The following ACSM1 variants were observed in gnomAD, a reference collection of about 807,000 sequenced individuals.
The protein encoded by ACSM1 is acyl-coenzyme A synthetase ACSM1, mitochondrial.
Under a neutral mutation model 75.8 loss-of-function variants are expected in ACSM1, and 79 were observed. The observed-to-expected ratio is 1.04, with a 90% CI of 0.87 to 1.26. The LOEUF (loss-of-function observed/expected upper bound fraction) is 1.26. Ranked by LOEUF, ACSM1 falls within the 50% of genes most tolerant of loss-of-function variation. The pLI, the probability that ACSM1 is intolerant of heterozygous loss-of-function variation, is 0.00. For missense variants in ACSM1, 676 were observed against 720.1 expected (o/e 0.94, Z 0.70); for synonymous variants, 279 against 265.8 (o/e 1.05, Z -0.48).
At chr16:20,657,890 G>A (rs2152250554) in intron 7 of ACSM1, among the ~76,000 whole-genome samples, 1 of 152,166 alleles carries the variant, frequency 6.6e-6, no homozygotes, top group African/African-American at 2.4e-5. Flanking sequence ...AGTTTGCTGA[G>A]AATGATGGTT....
At chr16:20,668,918 G>A (rs2019722215) in intron 6 of ACSM1, among the ~76,000 whole-genome samples, 1 of 152,130 alleles carries the variant, frequency 6.6e-6, no homozygotes, top group African/African-American at 2.4e-5. Context: ...AAAAGTGAGA[G>A]ACTGAAAATA....
chr16:20,664,919 A>G lies in ACSM1; in HGVS notation c.913-3046T>C, dbSNP rs532437025. On this transcript the variant is annotated intron_variant, in intron 6 of 13. Transcript: ENST00000520010. Reference sequence around the variant, plus strand: ...CTGAATAACTCTTGGGTGAACAAGAAGTCAAAAAAGTTTCTGAAATTAATG... The same window carrying G: ...CTGAATAACTCTTGGGTGAACAAGAGGTCAAAAAAGTTTCTGAAATTAATG... Among the ~76,000 whole-genome samples, 17 of 152,296 alleles carry G rather than the reference A, an allele frequency of 1.1e-4. No individual in the cohort carries two copies. In the South Asian group the frequency reaches 3.5e-3, roughly 32 times the overall value.
intron 1 of ACSM1, among the ~76,000 whole-genome samples, chr16:20,694,831 A>C (rs1266266849): frequency 1.3e-5 from 2 of 152,204 alleles, no homozygotes; most frequent in African/African-American, 4.8e-5. Context: ...GGTGGGCCCT[A>C]ATCCAATATG....
intron 7 of ACSM1, among the ~76,000 whole-genome samples, chr16:20,641,548 A>G (rs916668976): frequency 2.6e-5 from 4 of 152,222 alleles, no homozygotes; most frequent in African/African-American, 9.6e-5. Flanking sequence ...ACAGGTGTTC[A>G]TCATGCACCT....
intron 3 of ACSM1, 112 bp from the exon 4 acceptor site, chr16:20,682,575 C>A: frequency 1.3e-6 from 1 of 762,776 alleles, no homozygotes; most frequent in South Asian, 1.7e-5. Flanking sequence ...AAAGTACAGG[C>A]CACAGAACAA....
intron 7 of ACSM1, among the ~76,000 whole-genome samples, chr16:20,655,260 A>AG (rs1360310590): frequency 6.4e-5 from 5 of 78,110 alleles, no homozygotes; most frequent in Non-Finnish European, 9.5e-5. Context: ...GGGTGGGGGG[A>AG]GGGGGGAGGG....
intron 10 of ACSM1, among the ~76,000 whole-genome samples, chr16:20,628,223 G>A (rs999560513): frequency 2.0e-5 from 3 of 152,018 alleles, no homozygotes; most frequent in African/African-American, 7.3e-5. Flanking sequence ...GTACCATCTT[G>A]CAAAACCATA....
chr16:20,642,884 C>T (rs2018145081), intron 7 of ACSM1, among the ~76,000 whole-genome samples: 1 of 152,112 alleles, frequency 6.6e-6, no homozygotes, highest in African/African-American at 2.4e-5. Context: ...AGCAGTGTGC[C>T]CTATTCCTTT....
Position 20,627,856 on chromosome 16 carries a change from CTCTG to C in ACSM1, c.1300-544_1300-541del, listed in dbSNP as rs1309134643. 8.5e-5 allele frequency among the ~76,000 whole-genome samples: 7 copies of C among 82,414 alleles called. No individual in the cohort carries two copies. The East Asian group carries it at 1.8e-3, about 21-fold the overall frequency. The allele number at this position is 82,414 out of a possible 152,430, so 54.1% of individuals were successfully genotyped here. A position where few individuals can be genotyped will look rare whatever the true frequency, so the allele number is the denominator to read the frequency against. On this transcript the variant is annotated intron_variant, in intron 10 of 13. Transcript: ENST00000520010. Reference sequence around the variant, plus strand: ...TCTCTCTCTCTCTCTCTCTCTCTCTCTCTGTATGTATACATATATATATATATAT... The same window carrying C: ...TCTCTCTCTCTCTCTCTCTCTCTCTCTATGTATACATATATATATATATAT...
At chr16:20,641,287 T>A (rs971937019) in intron 7 of ACSM1, among the ~76,000 whole-genome samples, 1 of 152,192 alleles carries the variant, frequency 6.6e-6, no homozygotes, top group Non-Finnish European at 1.5e-5. Flanking sequence ...TGCAAAGCCA[T>A]CTTTTATGGG....
Position 20,685,387 on chromosome 16 carries a change from G to T in ACSM1, c.209C>A (p.Pro70Gln). The change falls in exon 3 of 14, where the codon CCA becomes CAA. Residue 70 changes from proline (P) to glutamine (Q), a missense_variant. Physicochemically the swap from Pro to Gln is moderately conservative, Grantham distance 76. Coordinates refer to ENST00000520010, the MANE Select transcript of ACSM1 (RefSeq NM_001318890.3). ...AQKEKEGKRGPNPAFWWVNGQ... is the reference protein window; with the variant it reads ...AQKEKEGKRGQNPAFWWVNGQ... ...ATTCACCCACCAAAAAGCTGGATTT[G>T]GACCTCTCTTGCCCTCCTGGTCAAG... is the stretch of plus-strand genomic sequence containing the variant. 4 of 1,614,132 alleles carry T rather than the reference G, an allele frequency of 2.5e-6. No homozygotes were observed. Among genetic ancestry groups the T allele is most frequent in the Non-Finnish European group, 3.4e-6 (4 of 1,180,022 alleles).
intron 4 of ACSM1, chr16:20,681,862 G>A (rs2079452986): frequency 6.3e-6 from 1 of 158,936 alleles, no homozygotes; most frequent in South Asian, 1.8e-4. Context: ...TGTAGCTAGT[G>A]AGCCTTATCT....
chr16:20,694,505 A>G (rs950151344), intron 1 of ACSM1, among the ~76,000 whole-genome samples: 2 of 152,228 alleles, frequency 1.3e-5, no homozygotes, highest in African/African-American at 2.4e-5. Context: ...TTCCACAGGC[A>G]TGAGCTTAGT....
intron 2 of ACSM1, among the ~76,000 whole-genome samples, chr16:20,690,673 A>T (rs1339850645): frequency 6.6e-6 from 1 of 152,228 alleles, no homozygotes; most frequent in Non-Finnish European, 1.5e-5. Context: ...GAGAACTCAG[A>T]CTAATACGAA....
intron 4 of ACSM1, among the ~76,000 whole-genome samples, chr16:20,677,254 G>T (rs2020344750): frequency 6.6e-6 from 1 of 151,046 alleles, no homozygotes; most frequent in Non-Finnish European, 1.5e-5. Flanking sequence ...CTTGACTCAG[G>T]CCCCAGCTTT....
rs1477172619 is a variant in ACSM1, at chr16:20,626,444, G to A, written c.1427+745C>T. 7.2e-5 allele frequency among the ~76,000 whole-genome samples: 11 copies of A among 152,070 alleles called. No homozygotes were observed. The East Asian group carries it at 2.1e-3, about 29-fold the overall frequency. ...GGAAATTGTTACTGTAGTGTAATGC[G>A]CCTTTTTAAAAATCATGTAGGGGTA... is the stretch of plus-strand genomic sequence containing the variant. On this transcript the variant is annotated intron_variant, in intron 11 of 13. Coordinates refer to ENST00000520010, the MANE Select transcript of ACSM1 (RefSeq NM_001318890.3).
chr16:20,673,682 C>T (rs1203680905), intron 4 of ACSM1, among the ~76,000 whole-genome samples: 2 of 152,076 alleles, frequency 1.3e-5, no homozygotes, highest in African/African-American at 4.8e-5. Flanking sequence ...GAGTTTGCTC[C>T]CAAAGCTACC....
intron 12 of ACSM1, among the ~76,000 whole-genome samples, 185 bp from the exon 13 acceptor site, chr16:20,624,400 A>T (rs190190278): frequency 6.6e-6 from 1 of 152,128 alleles, no homozygotes; most frequent in East Asian, 1.9e-4. Flanking sequence ...AAGTTATTTG[A>T]CCTCTCCTTA....
At chr16:20,643,854 G>A (rs575425701) in intron 7 of ACSM1, among the ~76,000 whole-genome samples, 30 of 151,910 alleles carry the variant, frequency 2.0e-4, no homozygotes, top group East Asian at 5.8e-4. Flanking sequence ...GACACAGAGC[G>A]CTGATTGGTG....
Sources: gnomAD v4.1 joint callset for allele counts (sites outside exome capture counted in the v4.1 genomes callset) on GRCh38, gnomAD v4.1.1 for gene constraint, MANE v1.5 for transcripts, NCBI Gene and HGNC (gene_info 2026-07-23, HGNC 2026-07-21) for gene names.